The following SCMH1 variants were observed in gnomAD, a reference collection of about 807,000 sequenced individuals.
SCMH1 encodes polycomb protein SCMH1.
A neutral mutation model predicts 70.8 loss-of-function variants in SCMH1; 37 were observed. The observed-to-expected ratio is 0.52, with a 90% confidence interval of 0.40 to 0.69. SCMH1 has a LOEUF of 0.69. SCMH1 is among the 30% of genes least tolerant of loss of function. SCMH1 has a pLI of 0.00. For missense variants in SCMH1, 607 were observed against 827.3 expected (o/e 0.73, Z 3.27); for synonymous variants, 292 against 307.4 (o/e 0.95, Z 0.52).
chr1:41,027,955 C>T (rs1428293071), exon 15 of SCMH1: 4 of 534,080 alleles, frequency 7.5e-6, no homozygotes, highest in African/African-American at 1.9e-5. Flanking sequence ...GACCTTAGAG[C>T]CCCGGCAGAG....
At chr1:41,156,432 T>C (rs1645552493) in intron 4 of SCMH1, among the ~76,000 whole-genome samples, 1 of 152,154 alleles carries the variant, frequency 6.6e-6, no homozygotes, top group Admixed American at 6.5e-5. Context: ...GTAATTTAAG[T>C]GTCTTTATTT....
chr1:41,155,242 T>C (rs986773597), intron 4 of SCMH1, among the ~76,000 whole-genome samples: 1 of 152,210 alleles, frequency 6.6e-6, no homozygotes, highest in South Asian at 2.1e-4. Context: ...TTAAAGTACC[T>C]TGGCCCATAA....
At position 41,204,079 on chromosome 1, in the gene SCMH1, T is replaced by G. The variant is rs562918566; in HGVS notation, c.-117-17829A>C. 2.6e-5 allele frequency among the ~76,000 whole-genome samples: 4 copies of G among 152,272 alleles called. No individual in the cohort carries two copies. The South Asian group carries it at 8.3e-4, about 32-fold the overall frequency. ...CACTATTATTATCTGCAGGCACTAT[T>G]ATTATCTTCATTTTAATGATGAGAA... On this transcript the variant is annotated intron_variant, in intron 1 of 14. Coordinates refer to ENST00000337495, the Ensembl canonical transcript of SCMH1.
chr1:41,129,219 C>T (rs1397906974), intron 6 of SCMH1, among the ~76,000 whole-genome samples: 1 of 151,976 alleles, frequency 6.6e-6, no homozygotes, highest in African/African-American at 2.4e-5. Context: ...ATCAAATTTA[C>T]AGTTTTAATC....
chr1:41,150,815 T>C (rs1645004118), intron 5 of SCMH1, among the ~76,000 whole-genome samples: 1 of 150,998 alleles, frequency 6.6e-6, no homozygotes, highest in East Asian at 2.0e-4. Context: ...CAGGTGCCTG[T>C]AGTCCCAGCT....
chr1:41,030,891 AACCAGACTATGTCTC>A (rs1162267366), intron 13 of SCMH1, among the ~76,000 whole-genome samples: 1 of 152,194 alleles, frequency 6.6e-6, no homozygotes, highest in African/African-American at 2.4e-5. Context: ...CTTTCTCTCC[AACCAGACTATGTCTC>A]TATTGAGGCA....
chr1:41,147,220 T>A lies in SCMH1; in HGVS notation c.178-4108A>T, dbSNP rs574179881. On this transcript the variant is annotated intron_variant, in intron 5 of 14. Transcript: ENST00000337495. ...TGTATACATTTTCCTTGGTGTTTGT[T>A]CTAAATCTTTCGACCCAGATCCCTT... Among the ~76,000 whole-genome samples the A allele has an allele frequency of 5.3e-4, 81 of 152,340 alleles. 2 individuals carry two copies. In the South Asian group the frequency reaches 0.016, roughly 30 times the overall value.
At chr1:41,236,006 G>T (rs1662300713) in intron 1 of SCMH1, among the ~76,000 whole-genome samples, 1 of 152,082 alleles carries the variant, frequency 6.6e-6, no homozygotes. Context: ...CAGGCATTTA[G>T]ACTAGTTCAA....
intron 6 of SCMH1, among the ~76,000 whole-genome samples, chr1:41,138,461 T>C (rs1444833980): frequency 6.6e-6 from 1 of 152,228 alleles, no homozygotes; most frequent in Non-Finnish European, 1.5e-5. Flanking sequence ...TTATCTTCTA[T>C]ATCTAACAGT....
At chr1:41,103,128 G>GA (rs1169691937) in intron 8 of SCMH1, among the ~76,000 whole-genome samples, 1 of 151,364 alleles carries the variant, frequency 6.6e-6, no homozygotes, top group Admixed American at 6.6e-5. Context: ...ATCAAGGGAA[G>GA]AAAATTTTTT....
chr1:41,044,042 T>A lies in SCMH1; in HGVS notation c.1498+2365A>T, dbSNP rs553497267. On this transcript the variant is annotated intron_variant, in intron 12 of 14. Transcript: ENST00000337495. ...AACTTTTCTGTAGGTTTGAAATTTT[T>A]AAAATAAAACATTGGAGAAAAAAGT... 5.9e-5 allele frequency among the ~76,000 whole-genome samples: 9 copies of A among 152,318 alleles called. No homozygotes were observed. In the South Asian group the frequency reaches 1.7e-3, roughly 28 times the overall value.
intron 8 of SCMH1, among the ~76,000 whole-genome samples, chr1:41,087,789 G>T (rs1228962768): frequency 6.6e-6 from 1 of 151,978 alleles, no homozygotes; most frequent in Admixed American, 6.6e-5. Context: ...TTGGACCCAA[G>T]AATACCGCTT....
At chr1:41,223,860 A>G (rs1468223381) in intron 1 of SCMH1, among the ~76,000 whole-genome samples, 1 of 152,148 alleles carries the variant, frequency 6.6e-6, no homozygotes, top group East Asian at 1.9e-4. Flanking sequence ...TGGTTTTCCT[A>G]CAACACTCAA....
intron 1 of SCMH1, among the ~76,000 whole-genome samples, chr1:41,199,372 A>G (rs1166127248): frequency 6.6e-6 from 1 of 152,122 alleles, no homozygotes; most frequent in African/African-American, 2.4e-5. Flanking sequence ...GCCTGTTTTG[A>G]ATGTTATATA....
intron 1 of SCMH1, among the ~76,000 whole-genome samples, chr1:41,207,604 A>G (rs1655871663): frequency 6.6e-6 from 1 of 152,180 alleles, no homozygotes; most frequent in Non-Finnish European, 1.5e-5. Flanking sequence ...AGACTTTAAT[A>G]CCCCATTGTC....
chr1:41,044,409 G>T (rs916656654), intron 12 of SCMH1, among the ~76,000 whole-genome samples: 5 of 152,114 alleles, frequency 3.3e-5, no homozygotes, highest in Non-Finnish European at 5.9e-5. Context: ...GATAATATCA[G>T]AGGTGGGGCA....
intron 8 of SCMH1, among the ~76,000 whole-genome samples, chr1:41,078,760 G>A (rs542113989): frequency 1.2e-4 from 18 of 152,260 alleles, no homozygotes; most frequent in African/African-American, 4.3e-4. Context: ...TCTGTCACCA[G>A]CAGACCTAAC....
intron 6 of SCMH1, among the ~76,000 whole-genome samples, chr1:41,131,455 C>T (rs989908225): frequency 6.6e-6 from 1 of 152,168 alleles, no homozygotes; most frequent in Admixed American, 6.6e-5. Context: ...TGCACTGCAT[C>T]TATAGATCAA....
At chr1:41,209,580 G>GT (rs769813714) in intron 1 of SCMH1, among the ~76,000 whole-genome samples, 2 of 152,168 alleles carry the variant, frequency 1.3e-5, no homozygotes, top group Non-Finnish European at 2.9e-5. Context: ...ATCAATAAAC[G>GT]TAATTCATCG....
Sources: gnomAD v4.1 joint callset for allele counts (sites outside exome capture counted in the v4.1 genomes callset) on GRCh38, gnomAD v4.1.1 for gene constraint, MANE v1.5 for transcripts, NCBI Gene and HGNC (gene_info 2026-07-23, HGNC 2026-07-21) for gene names.